PRDM2: variants seen among roughly 807,000 people sequenced by gnomAD.
The protein encoded by PRDM2 is PR domain zinc finger protein 2.
A neutral mutation model predicts 130.0 loss-of-function variants in PRDM2; 30 were observed. That is an observed-to-expected ratio of 0.23 (90% confidence interval 0.17 to 0.31). PRDM2 has a LOEUF of 0.31. Among genes scored for constraint, PRDM2 ranks in the 10% least tolerant of loss-of-function variants. The probability of loss-of-function intolerance (pLI) is 1.00; values close to 1 mark genes in which losing one functional copy is unlikely to be tolerated. For synonymous variants in PRDM2, 871 were observed against 782.4 expected, an observed-to-expected ratio of 1.11 and a Z score of -1.89; for missense variants, 2,011 against 2,108.4, an observed-to-expected ratio of 0.95 and a Z score of 0.90.
chr1:13,804,773 G>T (rs1263120875), intron 8 of PRDM2, among the ~76,000 whole-genome samples: 1 of 152,210 alleles, frequency 6.6e-6, no homozygotes, highest in Non-Finnish European at 1.5e-5. Context: ...CCAGGGGATT[G>T]CAGTGAACAC....
At chr1:13,774,439 A>G (rs575348860) in intron 7 of PRDM2, among the ~76,000 whole-genome samples, 1 of 152,368 alleles carries the variant, frequency 6.6e-6, no homozygotes, top group Admixed American at 6.5e-5. Context: ...TGATGATAAC[A>G]TTCATAAAAG....
chr1:13,710,350 C>T (rs918103637), intron 1 of PRDM2, among the ~76,000 whole-genome samples: 1 of 152,136 alleles, frequency 6.6e-6, no homozygotes, highest in Non-Finnish European at 1.5e-5. Context: ...TGTGTTGACA[C>T]TTTATGGGAC....
intron 2 of PRDM2, among the ~76,000 whole-genome samples, chr1:13,730,513 T>C (rs1186387867): frequency 2.0e-5 from 3 of 152,128 alleles, no homozygotes; most frequent in Non-Finnish European, 4.4e-5. Context: ...CCCATCCAGT[T>C]AGGGGTTGTT....
chr1:13,708,900 T>C (rs1272984170), intron 1 of PRDM2, among the ~76,000 whole-genome samples: 1 of 152,244 alleles, frequency 6.6e-6, no homozygotes, highest in African/African-American at 2.4e-5. Flanking sequence ...CTCCTTATTC[T>C]TAACGTATCA....
At chr1:13,743,669 G>A (rs1643519105) in intron 5 of PRDM2, among the ~76,000 whole-genome samples, 1 of 152,222 alleles carries the variant, frequency 6.6e-6, no homozygotes, top group Non-Finnish European at 1.5e-5. Flanking sequence ...GCAGTGTGCT[G>A]TGTTTTGTTA....
chr1:13,724,129 G>A (rs985256527), intron 2 of PRDM2, among the ~76,000 whole-genome samples: 1 of 152,176 alleles, frequency 6.6e-6, no homozygotes, highest in African/African-American at 2.4e-5. Context: ...ATGCAAATTG[G>A]CCCCTTTTGG....
At position 13,780,616 on chromosome 1, in the gene PRDM2, ACACCTGATGTTTGTCCTTCAT is replaced by A. The variant is rs750921991; in HGVS notation, c.2828_2848del (p.Asp943_Pro949del). ...TTTCCCTGCCCCTACTGTTGAGTCC[ACACCTGATGTTTGTCCTTCAT>A]CACCTGCCCTGCAGACACCCTCCCT... On this transcript the variant is annotated inframe_deletion, in exon 8 of 10. Transcript: ENST00000311066. 6.2e-7 allele frequency: 1 copy of A among 1,613,770 alleles called. No homozygotes were observed. The highest frequency in any genetic ancestry group is 8.5e-7 in the Non-Finnish European group (1 of 1,179,894).
chr1:13,770,413 A>AT (rs1188032239), intron 6 of PRDM2: 1 of 409,732 alleles, frequency 2.4e-6, no homozygotes, highest in Non-Finnish European at 4.8e-6. Flanking sequence ...AAATCTAGAC[A>AT]TTTTACTTAT....
At chr1:13,810,939 C>T (rs1184252923) in intron 8 of PRDM2, among the ~76,000 whole-genome samples, 2 of 151,498 alleles carry the variant, frequency 1.3e-5, no homozygotes, top group Admixed American at 6.6e-5. Flanking sequence ...AATCCCAGCA[C>T]TTTGGGAGGC....
Position 13,823,177 on chromosome 1 carries a change from A to G in PRDM2, c.*42A>G, listed in dbSNP as rs202013308. The G allele has an allele frequency of 1.5e-3, 2,353 of 1,613,450 alleles. 1 individual carries two copies. Among genetic ancestry groups the G allele is most frequent in the Non-Finnish European group, 1.8e-3 (2,084 of 1,179,516 alleles). ...TCCTCAGCACCTGAAGTGACCTGGA[A>G]TCAGTGAAGCCAAAGGGACTGGCAG... On this transcript the variant is annotated 3_prime_UTR_variant, in exon 10 of 10. Coordinates refer to ENST00000311066, the MANE Select transcript of PRDM2 (RefSeq NM_001393986.1).
intron 5 of PRDM2, among the ~76,000 whole-genome samples, chr1:13,743,169 G>A (rs10927933): frequency 0.015 from 2,304 of 152,180 alleles, 58 homozygotes; most frequent in African/African-American, 0.053. Context: ...GGAGGCCAAG[G>A]CGGGCGGATC....
chr1:13,732,455 G>C (rs1643139776), intron 3 of PRDM2, among the ~76,000 whole-genome samples: 1 of 151,944 alleles, frequency 6.6e-6, no homozygotes, highest in African/African-American at 2.4e-5. Context: ...TTTCTCTTCA[G>C]TTGTTGTGAC....
At chr1:13,793,584 G>A (rs966840056) in intron 8 of PRDM2, among the ~76,000 whole-genome samples, 2 of 152,196 alleles carry the variant, frequency 1.3e-5, no homozygotes, top group South Asian at 2.1e-4. Flanking sequence ...AATTTCATGA[G>A]TGGGTGGTTC....
At chr1:13,731,325 GACACACACACAAACACAC>G (rs1373492277) in intron 3 of PRDM2, among the ~76,000 whole-genome samples, 1 of 151,636 alleles carries the variant, frequency 6.6e-6, no homozygotes, top group Non-Finnish European at 1.5e-5. Flanking sequence ...CACACAAACA[GACACACACACAAACACAC>G]ACACACACAC....
chr1:13,822,070 C>A (rs115602358), intron 9 of PRDM2, among the ~76,000 whole-genome samples: 2,569 of 152,306 alleles, frequency 0.017, 75 homozygotes, highest in South Asian at 0.13. Context: ...GGAGTACAAT[C>A]ACTTTGGAAA....
chr1:13,794,876 G>C (rs1484033823), intron 8 of PRDM2, among the ~76,000 whole-genome samples: 1 of 152,242 alleles, frequency 6.6e-6, no homozygotes, highest in Admixed American at 6.5e-5. Context: ...CAAGTGGCCT[G>C]TAACTCCTGG....
At chr1:13,722,249 G>A (rs1014597283) in intron 2 of PRDM2, among the ~76,000 whole-genome samples, 2 of 152,148 alleles carry the variant, frequency 1.3e-5, no homozygotes, top group Non-Finnish European at 2.9e-5. Flanking sequence ...GCCAGCGGTC[G>A]TTGCGAGTTG....
intron 2 of PRDM2, among the ~76,000 whole-genome samples, chr1:13,730,340 T>C (rs1643062592): frequency 1.3e-5 from 2 of 152,236 alleles, no homozygotes; most frequent in African/African-American, 4.8e-5. Flanking sequence ...CTTTGATAAA[T>C]AATTTAAAAA....
rs149014579 is a variant in PRDM2, at chr1:13,723,648, T to G, written c.10-7352T>G. The stretch of plus-strand genomic sequence containing the variant: ...AGGACTGGGACTCATTTGCTGTGCT[T>G]CTTCTTCCGTTTCATTCTTTGATAA... On this transcript the variant is annotated intron_variant, in intron 2 of 9. Coordinates refer to ENST00000311066, the MANE Select transcript of PRDM2 (RefSeq NM_001393986.1). 2.3e-3 allele frequency among the ~76,000 whole-genome samples: 352 copies of G among 152,312 alleles called. 3 individuals are homozygous for G. The highest frequency in any genetic ancestry group is 7.3e-3 in the African/African-American group (305 of 41,572).
Sources: allele counts gnomAD v4.1 joint callset (sites outside exome capture counted in the v4.1 genomes callset), GRCh38; gene constraint gnomAD v4.1.1; transcripts MANE v1.5; gene names NCBI Gene and HGNC (gene_info 2026-07-23, HGNC 2026-07-21).